Variants in ATXN7L1 observed in about 807,000 individuals in gnomAD.
ATXN7L1 encodes ataxin-7-like protein 1.
ATXN7L1 carries 15 observed loss-of-function variants against 70.8 expected under a neutral mutation model. That is an observed-to-expected ratio of 0.21 (90% CI 0.14 to 0.33). The LOEUF (loss-of-function observed/expected upper bound fraction) is 0.33, where lower values mean the gene tolerates loss of function less well. Ranked by LOEUF, ATXN7L1 falls within the 10% of genes least tolerant of loss-of-function variation. The pLI, the probability that ATXN7L1 is intolerant of heterozygous loss-of-function variation, is 1.00. For synonymous variants in ATXN7L1, 440 were observed against 445.1 expected (o/e 0.99, Z 0.14); for missense variants, 975 against 1,097.1 (o/e 0.89, Z 1.57).
intron 2 of ATXN7L1, among the ~76,000 whole-genome samples, chr7:105,824,298 G>T (rs1319355863): frequency 2.6e-5 from 4 of 152,128 alleles, no homozygotes; most frequent in Admixed American, 2.6e-4. Context: ...CAAGCCGCTT[G>T]TAGTGCCTCA....
At chr7:105,618,055 CA>C (rs1457951590) in intron 9 of ATXN7L1, 1 of 456,594 alleles carries the variant, frequency 2.2e-6, no homozygotes, top group Non-Finnish European at 4.4e-6. Context: ...AAGTCCTGAA[CA>C]GGGGGGAGGG....
At chr7:105,634,321 C>A (rs1265569835) in intron 7 of ATXN7L1, among the ~76,000 whole-genome samples, 1 of 152,140 alleles carries the variant, frequency 6.6e-6, no homozygotes, top group Non-Finnish European at 1.5e-5. Context: ...AGAGAAAATC[C>A]CACCTTACCA....
At chr7:105,665,024 A>C in intron 4 of ATXN7L1, 42 bp downstream of exon 4, 1 of 1,494,230 alleles carries the variant, frequency 6.7e-7, no homozygotes, top group Non-Finnish European at 9.1e-7. Flanking sequence ...CAGGAACAGC[A>C]GGGGGGACAG....
intron 3 of ATXN7L1, among the ~76,000 whole-genome samples, chr7:105,782,199 C>T (rs774169994): frequency 5.9e-5 from 9 of 152,118 alleles, no homozygotes; most frequent in Non-Finnish European, 8.8e-5. Flanking sequence ...TAGGCTCACA[C>T]GCCATGTCAA....
intron 5 of ATXN7L1, among the ~76,000 whole-genome samples, chr7:105,640,096 G>A (rs917558646): frequency 6.6e-6 from 1 of 152,002 alleles, no homozygotes; most frequent in African/African-American, 2.4e-5. Context: ...ATGTCAGAGT[G>A]ACCTGCCTCT....
intron 9 of ATXN7L1, chr7:105,617,895 C>T (rs552704263): frequency 2.4e-5 from 11 of 456,364 alleles, no homozygotes; most frequent in South Asian, 1.1e-4. Flanking sequence ...ATGTCTTCCA[C>T]GCCCCCATCG....
intron 2 of ATXN7L1, among the ~76,000 whole-genome samples, chr7:105,811,718 A>C (rs1029348080): frequency 6.6e-6 from 1 of 152,130 alleles, no homozygotes; most frequent in Non-Finnish European, 1.5e-5. Context: ...AGCCTGGGGC[A>C]CTCCAAAGCT....
At chr7:105,659,499 A>G (rs1801242944) in intron 4 of ATXN7L1, among the ~76,000 whole-genome samples, 1 of 152,194 alleles carries the variant, frequency 6.6e-6, no homozygotes, top group East Asian at 1.9e-4. Context: ...TGCTCCGGGG[A>G]TTAAAAGAAA....
chr7:105,645,561 C>T (rs1210242992), intron 4 of ATXN7L1, among the ~76,000 whole-genome samples: 1 of 151,238 alleles, frequency 6.6e-6, no homozygotes, highest in Non-Finnish European at 1.5e-5. Flanking sequence ...CTTTGGGAGG[C>T]CGAGGCAGGT....
chr7:105,604,854 G>A lies in ATXN7L1; in HGVS notation c.*2998C>T, dbSNP rs576868393. On this transcript the variant is annotated 3_prime_UTR_variant, in exon 12 of 12. Coordinates refer to ENST00000419735, the MANE Select transcript of ATXN7L1 (RefSeq NM_020725.2). ...CCACAGAGTTTTGTTAAAGTGCCAT[G>A]GGCCGACAGCATAACAAAATATAAG... Among the ~76,000 whole-genome samples the A allele has an allele frequency of 7.9e-5, 12 of 152,242 alleles. No homozygotes were observed. The highest frequency in any genetic ancestry group is 2.9e-4 in the African/African-American group (12 of 41,536).
chr7:105,729,863 G>A (rs1028485641), intron 3 of ATXN7L1, among the ~76,000 whole-genome samples: 2 of 151,800 alleles, frequency 1.3e-5, no homozygotes, highest in Non-Finnish European at 2.9e-5. Flanking sequence ...TCAGCCTCCC[G>A]AGTAGCTGGG....
intron 11 of ATXN7L1, 33 bp from the exon 12 acceptor site, chr7:105,607,923 A>T: frequency 6.5e-7 from 1 of 1,542,910 alleles, no homozygotes; most frequent in Non-Finnish European, 8.8e-7. Context: ...CTTGTTTCAA[A>T]ACCATACAGT....
chr7:105,840,188 CTGGCATGAG>C (rs1224563058), intron 2 of ATXN7L1, among the ~76,000 whole-genome samples: 1 of 152,218 alleles, frequency 6.6e-6, no homozygotes, highest in Non-Finnish European at 1.5e-5. Flanking sequence ...CAGGGAGCCA[CTGGCATGAG>C]TGTAGGAGCA....
chr7:105,679,229 G>A lies in ATXN7L1; in HGVS notation c.356-13941C>T, dbSNP rs1259223540. On this transcript the variant is annotated intron_variant, in intron 3 of 11. Transcript: ENST00000419735. ...AGATTAGGGAAAGGCAGAAAGAAAA[G>A]CCCGGAACAGTCAGGGTTGTATCCT... is the stretch of plus-strand genomic sequence containing the variant. 5 of 821,968 alleles carry A rather than the reference G, an allele frequency of 6.1e-6. No individual in the cohort carries two copies. In the African/African-American group the frequency reaches 9.3e-5, roughly 15 times the overall value. The allele number at this position is 821,968 out of a possible 1,614,324, so 50.9% of individuals were successfully genotyped here.
At chr7:105,664,530 A>AAT (rs1277215091) in intron 4 of ATXN7L1, among the ~76,000 whole-genome samples, 4 of 140,356 alleles carry the variant, frequency 2.8e-5, no homozygotes, top group African/African-American at 7.8e-5. Context: ...ACATATGTAT[A>AAT]ATATATATAT....
At chr7:105,637,512 G>A (rs751324522) in intron 7 of ATXN7L1, among the ~76,000 whole-genome samples, 1 of 151,958 alleles carries the variant, frequency 6.6e-6, no homozygotes, top group Non-Finnish European at 1.5e-5. Flanking sequence ...TGAAAAGCGG[G>A]GTCTAGCTTC....
chr7:105,737,751 T>C (rs974768656), intron 3 of ATXN7L1, among the ~76,000 whole-genome samples: 2 of 152,158 alleles, frequency 1.3e-5, no homozygotes, highest in Middle Eastern at 3.4e-3. Flanking sequence ...ATAAAAATAA[T>C]GAAGGGGCGG....
intron 3 of ATXN7L1, among the ~76,000 whole-genome samples, chr7:105,733,565 T>C (rs796422736): frequency 5.2e-3 from 56 of 10,840 alleles, no homozygotes; most frequent in Non-Finnish European, 7.0e-3. Context: ...CACCCATCCA[T>C]CCTTCCATCC....
chr7:105,684,764 G>A (rs966706427), intron 3 of ATXN7L1, among the ~76,000 whole-genome samples: 1 of 152,166 alleles, frequency 6.6e-6, no homozygotes, highest in African/African-American at 2.4e-5. Flanking sequence ...AAGAGGACAG[G>A]CCCAAGAGGG....
Sources: gnomAD v4.1 joint callset for allele counts (sites outside exome capture counted in the v4.1 genomes callset) on GRCh38, gnomAD v4.1.1 for gene constraint, MANE v1.5 for transcripts, NCBI Gene and HGNC (gene_info 2026-07-23, HGNC 2026-07-21) for gene names.